GRIN2A: variants seen among roughly 807,000 people sequenced by gnomAD.
GRIN2A encodes the protein glutamate receptor ionotropic, NMDA 2A.
In GRIN2A, 22 loss-of-function variants were observed where a neutral mutation model predicts 113.4. That is an observed-to-expected ratio of 0.19 (90% confidence interval 0.14 to 0.28). The LOEUF is 0.28. GRIN2A is among the 10% of genes least tolerant of loss of function. The probability of loss-of-function intolerance (pLI) is 1.00; values close to 1 mark genes in which losing one functional copy is unlikely to be tolerated. For synonymous variants in GRIN2A, 827 were observed against 738.4 expected (o/e 1.12, Z -1.94); for missense variants, 1,502 against 1,887.0 (o/e 0.80, Z 3.78).
intron 7 of GRIN2A, among the ~76,000 whole-genome samples, chr16:9,836,336 G>A (rs2042583486): frequency 6.6e-6 from 1 of 152,168 alleles, no homozygotes; most frequent in Admixed American, 6.5e-5. Context: ...TTCTGAAAAG[G>A]GCGTGCTGGT....
At chr16:9,869,343 G>C (rs2043216732) in intron 4 of GRIN2A, among the ~76,000 whole-genome samples, 2 of 152,122 alleles carry the variant, frequency 1.3e-5, no homozygotes, top group Admixed American at 6.5e-5. Flanking sequence ...TGAGGCATGA[G>C]AATCACTTTA....
intron 2 of GRIN2A, among the ~76,000 whole-genome samples, chr16:10,161,487 C>G (rs2049808204): frequency 6.6e-6 from 1 of 152,160 alleles, no homozygotes; most frequent in African/African-American, 2.4e-5. Context: ...TTAGTACCAA[C>G]ATAGTTACAT....
chr16:10,019,529 C>T (rs975874800), intron 2 of GRIN2A, among the ~76,000 whole-genome samples: 3 of 152,224 alleles, frequency 2.0e-5, no homozygotes, highest in Admixed American at 2.0e-4. Flanking sequence ...CAAGATAAAA[C>T]ACATTTCTAG....
chr16:10,036,529 G>T (rs1377039462), intron 2 of GRIN2A, among the ~76,000 whole-genome samples: 1 of 135,914 alleles, frequency 7.4e-6, no homozygotes, highest in Non-Finnish European at 1.5e-5. Flanking sequence ...CGCAATCTCG[G>T]CTCATTGCAA....
intron 4 of GRIN2A, among the ~76,000 whole-genome samples, chr16:9,887,841 T>C (rs1206779618): frequency 6.6e-6 from 1 of 152,104 alleles, no homozygotes; most frequent in African/African-American, 2.4e-5. Flanking sequence ...GGTGGATCAC[T>C]TGAGGTCAAG....
chr16:9,882,301 T>C (rs1444848341), intron 4 of GRIN2A, among the ~76,000 whole-genome samples: 2 of 152,248 alleles, frequency 1.3e-5, no homozygotes, highest in African/African-American at 2.4e-5. Context: ...CTAGACCTGA[T>C]AGCACAATGA....
chr16:10,111,462 C>T, intron 2 of GRIN2A: 1 of 608,284 alleles, frequency 1.6e-6, no homozygotes, highest in Non-Finnish European at 3.0e-6. Flanking sequence ...TCCTCGGCGC[C>T]AACTGCCGCA....
In GRIN2A at chr16:9,756,488, C is replaced by T. The variant is rs185399319; in HGVS notation, c.*6661G>A. ...GCCCAGGAACCTCAAAAGAGCACAC[C>T]TCTCTTTCTGACTTCTATTCTGACC... On this transcript the variant is annotated 3_prime_UTR_variant, in exon 13 of 13. Transcript: ENST00000330684. 6.0e-4 allele frequency: 135 copies of T among 225,192 alleles called. No homozygotes were observed. The highest frequency in any genetic ancestry group is 1.3e-3 in the Middle Eastern group (1 of 744). 13.9% of individuals were successfully genotyped at this position (225,192 alleles called of 1,614,324 possible).
intron 2 of GRIN2A, among the ~76,000 whole-genome samples, chr16:10,142,025 G>A (rs1322039381): frequency 6.6e-6 from 1 of 152,188 alleles, no homozygotes; most frequent in African/African-American, 2.4e-5. Context: ...ACAGGGATAT[G>A]TTTCTTGAGG....
chr16:10,113,518 T>C (rs752483323), intron 2 of GRIN2A, among the ~76,000 whole-genome samples: 16 of 152,220 alleles, frequency 1.1e-4, no homozygotes, highest in Non-Finnish European at 1.9e-4. Flanking sequence ...TCAGCTGCAG[T>C]TGAAGGCTTT....
In GRIN2A at chr16:9,908,872, G is replaced by A. The variant is rs545705217; in HGVS notation, c.1008-17772C>T. On this transcript the variant is annotated intron_variant, in intron 3 of 12. Coordinates refer to ENST00000330684, the MANE Select transcript of GRIN2A (RefSeq NM_001134407.3). The stretch of plus-strand genomic sequence containing the variant: ...GTGGCCTGGCACCAGGCCCTCCCTG[G>A]TGACATTGGGAAAGTAGGTCAGTTT... Among the ~76,000 whole-genome samples, 5 of 152,288 alleles carry A rather than the reference G, an allele frequency of 3.3e-5. No individual in the cohort carries two copies. In the East Asian group the frequency reaches 9.7e-4, roughly 29 times the overall value.
At chr16:10,125,072 G>A (rs1357371612) in intron 2 of GRIN2A, among the ~76,000 whole-genome samples, 1 of 152,144 alleles carries the variant, frequency 6.6e-6, no homozygotes, top group Non-Finnish European at 1.5e-5. Context: ...TCTCTTCATA[G>A]GCCATGGTGA....
intron 3 of GRIN2A, among the ~76,000 whole-genome samples, chr16:9,927,896 AC>A (rs1399549774): frequency 6.6e-6 from 1 of 152,206 alleles, no homozygotes; most frequent in Non-Finnish European, 1.5e-5. Context: ...CACATGGAAA[AC>A]TGGGCAGTGT....
Position 9,834,192 on chromosome 16 carries a change from T to C in GRIN2A, c.1690A>G (p.Met564Val), listed in dbSNP as rs1188103962. ...GCTATGGCAGAAACAATGAGCAGCA[T>C]CACAAACATCATCACCCAGACAGAG... is the stretch of plus-strand genomic sequence containing the variant. The part of the protein sequence containing the change: ...SASVWVMMFV[M>V]LLIVSAIAVF... The change falls in exon 8 of 13, where the codon ATG (methionine) becomes GTG (valine). Residue 564 changes from methionine (M) to valine (V), a missense_variant. Met to Val is a conservative substitution (Grantham distance 21). This residue lies in a region of GRIN2A where 82 missense variants were observed against 222.7 expected (regional missense o/e 0.37). Transcript: ENST00000330684. 1 of 1,613,706 alleles carries C rather than the reference T, an allele frequency of 6.2e-7. No individual in the cohort carries two copies. Among genetic ancestry groups the C allele is most frequent in the Admixed American group, 1.7e-5 (1 of 60,022 alleles).
Position 10,076,976 on chromosome 16 carries a change from C to T in GRIN2A, c.414+103022G>A, listed in dbSNP as rs114465092. Among the ~76,000 whole-genome samples, 1,068 of 152,276 alleles carry T rather than the reference C, an allele frequency of 7.0e-3. 19 individuals carry two copies. Among genetic ancestry groups the T allele is most frequent in the African/African-American group, 0.025 (1,018 of 41,530 alleles). On this transcript the variant is annotated intron_variant, in intron 2 of 12. Transcript: ENST00000330684. ...AGGGGAATTTATCCTGGATGACCTG[C>T]GTGGGGCCAATATCATCACCAGGGT...
At chr16:9,901,148 C>A (rs2043913754) in intron 3 of GRIN2A, among the ~76,000 whole-genome samples, 1 of 152,162 alleles carries the variant, frequency 6.6e-6, no homozygotes, top group African/African-American at 2.4e-5. Context: ...CTTTTTCTCC[C>A]TTGAAGAACC....
Position 9,923,049 on chromosome 16 carries a change from T to C in GRIN2A, c.1007+14910A>G, listed in dbSNP as rs180842056. On this transcript the variant is annotated intron_variant, in intron 3 of 12. Coordinates refer to ENST00000330684, the MANE Select transcript of GRIN2A (RefSeq NM_001134407.3). ...TCTGTATCTTTACTAACTTTGCTCG[T>C]TCTAGCAATTATTAAGAGTATTGAA... is the stretch of plus-strand genomic sequence containing the variant. Among the ~76,000 whole-genome samples the C allele has an allele frequency of 5.9e-5, 9 of 152,300 alleles. No homozygotes were observed. The East Asian group carries it at 1.7e-3, about 29-fold the overall frequency.
At chr16:10,153,790 G>A (rs1596558765) in intron 2 of GRIN2A, among the ~76,000 whole-genome samples, 1 of 152,102 alleles carries the variant, frequency 6.6e-6, no homozygotes, top group East Asian at 1.9e-4. Flanking sequence ...CAACTGAGAC[G>A]GAAAGATCTC....
chr16:9,772,040 T>A (rs2267769), intron 11 of GRIN2A, among the ~76,000 whole-genome samples: 35,591 of 151,778 alleles, frequency 0.23, 4,586 homozygotes, highest in East Asian at 0.57. Flanking sequence ...AGTTTTTTTT[T>A]AAAAAAATAG....
Sources: allele counts gnomAD v4.1 joint callset (sites outside exome capture counted in the v4.1 genomes callset), GRCh38; gene constraint gnomAD v4.1.1; regional missense constraint gnomAD v4.1.1; transcripts MANE v1.5; gene names NCBI Gene and HGNC (gene_info 2026-07-23, HGNC 2026-07-21).